Variants in TUT4 observed in about 807,000 individuals in gnomAD.
TUT4 encodes the protein terminal uridylyl transferase 4.
TUT4 carries 36 observed loss-of-function variants against 192.2 expected under a neutral mutation model. The ratio of observed to expected loss-of-function variants is 0.19; its 90% CI spans 0.14 to 0.25. The LOEUF is 0.25. Among genes scored for constraint, TUT4 ranks in the 10% least tolerant of loss-of-function variants. TUT4 has a pLI of 1.00. For missense variants in TUT4, 1,493 were observed against 1,957.2 expected (o/e 0.76, Z 4.47); for synonymous variants, 618 against 666.0 (o/e 0.93, Z 1.11).
At chr1:52,504,411 CAGG>C (rs1485928601) in intron 4 of TUT4, among the ~76,000 whole-genome samples, 8 of 152,102 alleles carry the variant, frequency 5.3e-5, no homozygotes, top group Non-Finnish European at 8.8e-5. Context: ...GCGGGTGGAT[CAGG>C]AGGTCAGGAG....
chr1:52,461,815 T>G (rs762688290), intron 16 of TUT4, 46 bp from the exon 17 acceptor site: 1 of 1,107,014 alleles, frequency 9.0e-7, no homozygotes, highest in Middle Eastern at 3.0e-4. Flanking sequence ...TTTCACCTTG[T>G]GCAAATTCTA....
In TUT4 at chr1:52,431,088, T is replaced by C. The variant is rs953819558; in HGVS notation, c.4636A>G (p.Thr1546Ala). 3 of 1,614,120 alleles carry C rather than the reference T, an allele frequency of 1.9e-6. No individual in the cohort carries two copies. Among genetic ancestry groups the C allele is most frequent in the East Asian group, 4.5e-5 (2 of 44,884 alleles). Residue 1546 changes from threonine to alanine, a missense_variant, in exon 28 of 30, where the codon ACG becomes GCG. By Grantham distance (58) the Thr-to-Ala change is moderately conservative. Transcript: ENST00000257177. ...PAARPVAIPN[T>A]SHDGHWPRTV... ...CGGGGCCAGTGTCCATCGTGAGACG[T>C]GTTAGGGATTGCCACAGGTCTGGCA...
At chr1:52,432,237 G>A (rs1179241268) in intron 27 of TUT4, 1 of 152,162 alleles carries the variant, frequency 6.6e-6, no homozygotes, top group Non-Finnish European at 1.5e-5. Flanking sequence ...AGAGAAATCA[G>A]GGAAAGCTTC....
chr1:52,489,074 C>A, intron 8 of TUT4, 39 bp from the exon 9 acceptor site: 1 of 1,564,556 alleles, frequency 6.4e-7, no homozygotes, highest in Non-Finnish European at 8.6e-7. Context: ...TGTATTAATA[C>A]CCTTAAAAGC....
chr1:52,534,989 G>GT (rs148105410), intron 1 of TUT4: 2 of 152,200 alleles, frequency 1.3e-5, no homozygotes, highest in African/African-American at 4.8e-5. Flanking sequence ...TTACTGACCT[G>GT]TTTTTTTCTC....
chr1:52,527,157 T>C (rs1343856991), intron 1 of TUT4, among the ~76,000 whole-genome samples: 1 of 152,218 alleles, frequency 6.6e-6, no homozygotes, highest in East Asian at 1.9e-4. Context: ...TACCTCGAAC[T>C]TACCTCAAAC....
At chr1:52,524,360 A>T (rs1251955107) in intron 2 of TUT4, among the ~76,000 whole-genome samples, 1 of 151,802 alleles carries the variant, frequency 6.6e-6, no homozygotes, top group Non-Finnish European at 1.5e-5. Context: ...CGTCTCTACT[A>T]AAAATACAGA....
chr1:52,552,045 T>C (rs1455633114), intron 1 of TUT4, among the ~76,000 whole-genome samples: 1 of 152,120 alleles, frequency 6.6e-6, no homozygotes, highest in African/African-American at 2.4e-5. Flanking sequence ...AACTACTACT[T>C]CTATCAAAAT....
At position 52,490,781 on chromosome 1, in the gene TUT4, A is replaced by T; in HGVS notation, c.1339T>A (p.Ser447Thr). ...KKNVLYVDVE[S>T]DFHAKVPVVV... Reference sequence around the variant, plus strand: ...ACAGGAACTTTAGCGTGAAAATCAGATTCCACATCTACATATAATACTAAT... The same window carrying T: ...ACAGGAACTTTAGCGTGAAAATCAGTTTCCACATCTACATATAATACTAAT... Residue 447 changes from serine (S) to threonine (T), a missense_variant, in exon 8 of 30, where the codon TCT (serine) becomes ACT (threonine). This residue lies in a region of TUT4 where 437 missense variants were observed against 577.6 expected (regional missense o/e 0.76). Coordinates refer to ENST00000257177, the MANE Select transcript of TUT4 (RefSeq NM_001009881.3). The T allele has an allele frequency of 1.9e-6, 3 of 1,612,764 alleles. No individual in the cohort carries two copies. In the African/African-American group the frequency reaches 4.0e-5, roughly 22 times the overall value.
At chr1:52,548,236 A>G (rs1002536304) in intron 1 of TUT4, among the ~76,000 whole-genome samples, 5 of 152,188 alleles carry the variant, frequency 3.3e-5, no homozygotes, top group Non-Finnish European at 7.3e-5. Flanking sequence ...CTAGCACTTA[A>G]TGAACACTTA....
At chr1:52,510,349 G>A (rs1388637268) in intron 3 of TUT4, among the ~76,000 whole-genome samples, 4 of 147,490 alleles carry the variant, frequency 2.7e-5, no homozygotes, top group African/African-American at 1.0e-4. Context: ...AAAGAAAAGT[G>A]GTCTTGCTAT....
In TUT4 at chr1:52,517,020, T is replaced by C. The variant is rs60692039; in HGVS notation, c.719-966A>G. 4.8e-3 allele frequency among the ~76,000 whole-genome samples: 728 copies of C among 152,328 alleles called. 6 individuals are homozygous for C. Among genetic ancestry groups the C allele is most frequent in the African/African-American group, 0.017 (696 of 41,568 alleles). ...TCACTTCATATTAAATGTGCCAGAA[T>C]TAATCACCAAAGCTGCTTCAAGTCT... On this transcript the variant is annotated intron_variant, in intron 2 of 29. Transcript: ENST00000257177.
At chr1:52,534,485 G>T (rs755081645) in intron 1 of TUT4, among the ~76,000 whole-genome samples, 2 of 152,138 alleles carry the variant, frequency 1.3e-5, no homozygotes, top group African/African-American at 4.8e-5. Flanking sequence ...ACTCCAACCA[G>T]AAGTAAATTT....
At chr1:52,516,851 G>A (rs901053205) in intron 2 of TUT4, among the ~76,000 whole-genome samples, 1 of 152,130 alleles carries the variant, frequency 6.6e-6, no homozygotes, top group Non-Finnish European at 1.5e-5. Flanking sequence ...AAGGAAAAAA[G>A]CAAGGAACTG....
chr1:52,460,986 A>T, intron 19 of TUT4, 148 bp downstream of exon 19: 1 of 502,694 alleles, frequency 2.0e-6, no homozygotes, highest in Non-Finnish European at 3.4e-6. Flanking sequence ...TCTGATAGGT[A>T]TCTATTCAAG....
intron 9 of TUT4, among the ~76,000 whole-genome samples, chr1:52,482,408 G>T (rs1668707340): frequency 6.6e-6 from 1 of 152,042 alleles, no homozygotes; most frequent in African/African-American, 2.4e-5. Flanking sequence ...AATATATCAA[G>T]AAAGTCCCTT....
chr1:52,490,687 G>T lies in TUT4; in HGVS notation c.1388+45C>A, dbSNP rs751827783. ...AAGATCATTCACTACAAATTTGGTT[G>T]TTGGGGTTTGTTTTTTTAAATATTT... is the stretch of plus-strand genomic sequence containing the variant. On this transcript the variant is annotated intron_variant, in intron 8 of 29. Coordinates refer to ENST00000257177, the MANE Select transcript of TUT4 (RefSeq NM_001009881.3). 2.0e-6 allele frequency: 3 copies of T among 1,537,600 alleles called. No individual in the cohort carries two copies. The East Asian group carries it at 6.8e-5, about 35-fold the overall frequency.
At chr1:52,533,965 C>CA (rs1475184211) in intron 1 of TUT4, among the ~76,000 whole-genome samples, 1 of 151,648 alleles carries the variant, frequency 6.6e-6, no homozygotes, top group Non-Finnish European at 1.5e-5. Context: ...GACTCAGTCT[C>CA]AAAAAAAGGA....
At chr1:52,516,212 G>A (rs763304149) in intron 2 of TUT4, among the ~76,000 whole-genome samples, 158 bp from the exon 3 acceptor site, 23 of 151,872 alleles carry the variant, frequency 1.5e-4, no homozygotes, top group Non-Finnish European at 3.1e-4. Context: ...TAAAATATAG[G>A]TAAGAGGTAG....
Sources: allele counts gnomAD v4.1 joint callset (sites outside exome capture counted in the v4.1 genomes callset), GRCh38; gene constraint gnomAD v4.1.1; regional missense constraint gnomAD v4.1.1; transcripts MANE v1.5; gene names NCBI Gene and HGNC (gene_info 2026-07-23, HGNC 2026-07-21).